The following DLG2 variants were observed in gnomAD, a reference collection of about 807,000 sequenced individuals.
DLG2 encodes the protein disks large homolog 2.
In DLG2, 45 loss-of-function variants were observed where a neutral mutation model predicts 132.5. That is an observed-to-expected ratio of 0.34 (90% CI 0.27 to 0.44). The LOEUF (loss-of-function observed/expected upper bound fraction) is 0.44. DLG2 is among the 20% of genes least tolerant of loss of function. The pLI, the probability that DLG2 is intolerant of heterozygous loss-of-function variation, is 1.00. For synonymous variants in DLG2, 424 were observed against 419.6 expected, an observed-to-expected ratio of 1.01 and a Z score of -0.13; for missense variants, 1,045 against 1,196.9, an observed-to-expected ratio of 0.87 and a Z score of 1.87.
At chr11:85,404,066 A>G (rs1415322934) in intron 3 of DLG2, among the ~76,000 whole-genome samples, 2 of 152,032 alleles carry the variant, frequency 1.3e-5, no homozygotes, top group African/African-American at 4.8e-5. Context: ...GGGAAACTTA[A>G]CAAGCTTGAA....
At chr11:83,952,929 T>A (rs1464819899) in intron 14 of DLG2, among the ~76,000 whole-genome samples, 1 of 151,800 alleles carries the variant, frequency 6.6e-6, no homozygotes, top group Non-Finnish European at 1.5e-5. Context: ...AGAAAAAAAT[T>A]AAGGAGGGCT....
At chr11:83,982,299 A>G (rs1044111058) in intron 11 of DLG2, among the ~76,000 whole-genome samples, 17 of 152,066 alleles carry the variant, frequency 1.1e-4, no homozygotes, top group Non-Finnish European at 2.1e-4. Context: ...ACAAGAAGGC[A>G]TTATTATTAC....
chr11:85,099,197 C>G (rs2070436806), intron 6 of DLG2, among the ~76,000 whole-genome samples: 1 of 152,180 alleles, frequency 6.6e-6, no homozygotes, highest in Admixed American at 6.5e-5. Flanking sequence ...GGCACTGAGT[C>G]CTGCTTTGTA....
rs936029838 is a variant in DLG2, at chr11:84,922,944, C to G, written c.357+188717G>C. ...CTGCACGGCAACAATAAAACAAAGC[C>G]TTTGCAACCACCTGTAATAATCTGC... On this transcript the variant is annotated intron_variant, in intron 6 of 27. Transcript: ENST00000376104. 4 of 1,126,780 alleles carry G rather than the reference C, an allele frequency of 3.5e-6. No homozygotes were observed. The African/African-American group carries it at 6.1e-5, about 17-fold the overall frequency. The allele number at this position is 1,126,780 out of a possible 1,614,324, so 69.8% of individuals were successfully genotyped here. A position where few individuals can be genotyped will look rare whatever the true frequency, so the allele number is the denominator to read the frequency against.
At chr11:84,375,310 G>C (rs2098724522) in intron 7 of DLG2, among the ~76,000 whole-genome samples, 1 of 152,120 alleles carries the variant, frequency 6.6e-6, no homozygotes, top group African/African-American at 2.4e-5. Flanking sequence ...TGATTTCTGA[G>C]TGAATGAATG....
chr11:85,401,179 T>A (rs1359078272), intron 3 of DLG2, among the ~76,000 whole-genome samples: 1 of 152,094 alleles, frequency 6.6e-6, no homozygotes, highest in Non-Finnish European at 1.5e-5. Context: ...CAAGACTGGT[T>A]CAACATATGC....
intron 14 of DLG2, among the ~76,000 whole-genome samples, chr11:83,958,954 C>G (rs1356299050): frequency 2.6e-5 from 4 of 152,116 alleles, no homozygotes; most frequent in Non-Finnish European, 5.9e-5. Flanking sequence ...AGATTAGACT[C>G]TATATTTACT....
chr11:84,922,828 A>T (rs1178375495), intron 6 of DLG2, among the ~76,000 whole-genome samples: 2 of 111,062 alleles, frequency 1.8e-5, no homozygotes, highest in East Asian at 3.0e-4. Flanking sequence ...CCCCCTCTCC[A>T]CCCCCCAACT....
At position 84,095,314 on chromosome 11, in the gene DLG2, C is replaced by T. The variant is rs537776000; in HGVS notation, c.749+3609G>A. Among the ~76,000 whole-genome samples, 75 of 152,244 alleles carry T rather than the reference C, an allele frequency of 4.9e-4. No homozygotes were observed. The South Asian group carries it at 0.015, about 31-fold the overall frequency. Reference sequence around the variant, plus strand: ...TAGCTAAGGAGTTCGGTTATCTCACCTCAGAACATCTCAGTGAAGTAGGTA... The same window carrying T: ...TAGCTAAGGAGTTCGGTTATCTCACTTCAGAACATCTCAGTGAAGTAGGTA... On this transcript the variant is annotated intron_variant, in intron 10 of 27. Coordinates refer to ENST00000376104, the MANE Select transcript of DLG2 (RefSeq NM_001142699.3).
chr11:84,973,959 C>A (rs2054491145), intron 6 of DLG2, among the ~76,000 whole-genome samples: 1 of 152,174 alleles, frequency 6.6e-6, no homozygotes, highest in Non-Finnish European at 1.5e-5. Flanking sequence ...TATAGAAGTT[C>A]AGCAAGCTGT....
intron 7 of DLG2, among the ~76,000 whole-genome samples, chr11:84,396,813 G>A (rs1309349100): frequency 6.6e-6 from 1 of 152,170 alleles, no homozygotes; most frequent in African/African-American, 2.4e-5. Context: ...TGGAAAATCT[G>A]TAAAGTTCTT....
intron 3 of DLG2, among the ~76,000 whole-genome samples, chr11:85,304,704 C>T (rs77040296): frequency 0.012 from 1,827 of 152,158 alleles, 28 homozygotes; most frequent in African/African-American, 0.04. Flanking sequence ...TTCCGATAAA[C>T]GATACTCAAC....
At chr11:84,388,351 A>G (rs1392907094) in intron 7 of DLG2, among the ~76,000 whole-genome samples, 1 of 152,080 alleles carries the variant, frequency 6.6e-6, no homozygotes, top group Non-Finnish European at 1.5e-5. Flanking sequence ...CATCTCTAAT[A>G]ATTTTCCAAA....
chr11:83,782,940 A>T (rs1018162450), intron 18 of DLG2, among the ~76,000 whole-genome samples: 2 of 152,216 alleles, frequency 1.3e-5, no homozygotes, highest in African/African-American at 2.4e-5. Flanking sequence ...CAGCAACTTC[A>T]CTAACTGGGT....
chr11:84,137,464 G>A (rs558634538), intron 9 of DLG2, among the ~76,000 whole-genome samples: 46 of 152,142 alleles, frequency 3.0e-4, no homozygotes, highest in South Asian at 1.0e-3. Context: ...ATGTGTGTGC[G>A]TGCATGTTTC....
intron 19 of DLG2, among the ~76,000 whole-genome samples, chr11:83,618,953 C>CTTCA (rs986775075): frequency 3.2e-4 from 48 of 152,288 alleles, no homozygotes; most frequent in African/African-American, 1.0e-3. Context: ...TTGCAACTAA[C>CTTCA]TTCAGCTGGA....
At position 85,538,568 on chromosome 11, in the gene DLG2, T is replaced by C. The variant is rs371840068; in HGVS notation, c.40+60089A>G. On this transcript the variant is annotated intron_variant, in intron 3 of 27. Coordinates refer to ENST00000376104, the MANE Select transcript of DLG2 (RefSeq NM_001142699.3). The stretch of plus-strand genomic sequence containing the variant: ...ATGTCCATTGCAGCACTTTTCACAA[T>C]AGCAAAGACATGGAATCCACCCAAA... Among the ~76,000 whole-genome samples the C allele has an allele frequency of 2.6e-5, 4 of 151,834 alleles. 1 individual carries two copies. The highest frequency in any genetic ancestry group is 7.3e-5 in the African/African-American group (3 of 41,134).
intron 6 of DLG2, among the ~76,000 whole-genome samples, chr11:85,001,934 C>G (rs922999367): frequency 6.6e-6 from 1 of 152,090 alleles, no homozygotes; most frequent in African/African-American, 2.4e-5. Flanking sequence ...TGGCTATAAA[C>G]CCAAATCTCC....
chr11:84,004,487 A>C (rs1039420457), intron 11 of DLG2, among the ~76,000 whole-genome samples: 2 of 152,108 alleles, frequency 1.3e-5, no homozygotes, highest in African/African-American at 2.4e-5. Context: ...ATCATACTGA[A>C]TGGAGAAAAG....
Sources: gnomAD v4.1 joint callset for allele counts (sites outside exome capture counted in the v4.1 genomes callset) on GRCh38, gnomAD v4.1.1 for gene constraint, MANE v1.5 for transcripts, NCBI Gene and HGNC (gene_info 2026-07-23, HGNC 2026-07-21) for gene names.